The following RERG variants were observed in gnomAD, a reference collection of about 807,000 sequenced individuals.
The protein encoded by RERG is RAS like estrogen regulated growth inhibitor.
RERG carries 25 observed loss-of-function variants against 23.2 expected under a neutral mutation model. The observed-to-expected ratio is 1.08, with a 90% confidence interval of 0.79 to 1.50. The LOEUF is 1.50. Ranked by LOEUF, RERG falls within the 40% of genes most tolerant of loss-of-function variation. The pLI, the probability that RERG is intolerant of heterozygous loss-of-function variation, is 0.00. For synonymous variants in RERG, 81 were observed against 89.1 expected (o/e 0.91, Z 0.51); for missense variants, 253 against 250.1 (o/e 1.01, Z -0.08).
intron 1 of RERG, among the ~76,000 whole-genome samples, chr12:15,220,833 G>A (rs772673645): frequency 1.3e-5 from 2 of 152,030 alleles, no homozygotes; most frequent in Non-Finnish European, 2.9e-5. Context: ...TTATCACTAC[G>A]CAGTACCCAC....
In RERG at chr12:15,109,003, C is replaced by A; in HGVS notation, c.*107G>T. ...GGCCAGAAACAATGGGAAGCCCAGA[C>A]ATTTCTCAGAATCCAAACAAAGAAT... On this transcript the variant is annotated 3_prime_UTR_variant, in exon 5 of 5. Transcript: ENST00000256953. 8.4e-7 allele frequency: 1 copy of A among 1,186,684 alleles called. No individual in the cohort carries two copies. Among genetic ancestry groups the A allele is most frequent in the Middle Eastern group, 2.9e-4 (1 of 3,408 alleles). 73.5% of individuals were successfully genotyped at this position (1,186,684 alleles called of 1,614,324 possible).
chr12:15,206,097 C>A (rs1436234614), intron 2 of RERG, among the ~76,000 whole-genome samples: 2 of 152,094 alleles, frequency 1.3e-5, no homozygotes, highest in Non-Finnish European at 2.9e-5. Context: ...ACTTACCATG[C>A]AATCTAGCTC....
At chr12:15,168,176 GT>G (rs1393518719) in intron 2 of RERG, among the ~76,000 whole-genome samples, 1 of 152,172 alleles carries the variant, frequency 6.6e-6, no homozygotes, top group Non-Finnish European at 1.5e-5. Flanking sequence ...TTTATGTGCT[GT>G]TTTCAAGTTC....
chr12:15,139,996 T>G (rs781557614), intron 2 of RERG, among the ~76,000 whole-genome samples: 9 of 152,186 alleles, frequency 5.9e-5, no homozygotes, highest in Non-Finnish European at 1.2e-4. Flanking sequence ...GTTCACTGCT[T>G]TTATTTCTGT....
chr12:15,214,995 T>C (rs1865420658), intron 2 of RERG, among the ~76,000 whole-genome samples: 1 of 152,230 alleles, frequency 6.6e-6, no homozygotes, highest in South Asian at 2.1e-4. Flanking sequence ...TAATTTAATG[T>C]TGACATAGGA....
chr12:15,117,652 C>T (rs563435775), intron 3 of RERG, among the ~76,000 whole-genome samples: 3 of 148,594 alleles, frequency 2.0e-5, no homozygotes, highest in Non-Finnish European at 3.0e-5. Flanking sequence ...CTCTTCCTCT[C>T]CAAATGCCTC....
chr12:15,131,448 A>C (rs1460134908), intron 2 of RERG, among the ~76,000 whole-genome samples: 1 of 152,148 alleles, frequency 6.6e-6, no homozygotes, highest in Non-Finnish European at 1.5e-5. Context: ...GCATTTTGTT[A>C]AGTTGCCAAG....
chr12:15,139,582 A>G (rs1330196314), intron 2 of RERG, among the ~76,000 whole-genome samples: 1 of 152,176 alleles, frequency 6.6e-6, no homozygotes. Context: ...GTGCTGTTTT[A>G]AATGGTACAG....
rs1591633787 is a variant in RERG, at chr12:15,117,683, A to ATG, written c.118+3379_118+3380insCA. The stretch of plus-strand genomic sequence containing the variant: ...GCCTCCATCACACACGCGCACACAC[A>ATG]CACACACACACACACACACACACAG... On this transcript the variant is annotated intron_variant, in intron 3 of 4. Transcript: ENST00000256953. 1.4e-3 allele frequency among the ~76,000 whole-genome samples: 207 copies of ATG among 149,262 alleles called. 2 individuals are homozygous for ATG. Among genetic ancestry groups the ATG allele is most frequent in the Middle Eastern group, 6.8e-3 (2 of 294 alleles).
At chr12:15,209,343 T>C (rs1343216109) in intron 2 of RERG, among the ~76,000 whole-genome samples, 1 of 152,208 alleles carries the variant, frequency 6.6e-6, no homozygotes, top group African/African-American at 2.4e-5. Context: ...AATCCATCAT[T>C]GGGCAGATGA....
chr12:15,129,084 C>T (rs190179753), intron 2 of RERG, among the ~76,000 whole-genome samples: 11 of 152,270 alleles, frequency 7.2e-5, no homozygotes, highest in African/African-American at 2.6e-4. Flanking sequence ...GAGTGAGTCC[C>T]GGCCTAGAAA....
At chr12:15,183,987 A>C (rs956997788) in intron 2 of RERG, among the ~76,000 whole-genome samples, 2 of 152,208 alleles carry the variant, frequency 1.3e-5, no homozygotes, top group African/African-American at 4.8e-5. Flanking sequence ...AATCTTTCTA[A>C]AAGTAAAACG....
intron 2 of RERG, among the ~76,000 whole-genome samples, chr12:15,159,773 G>A (rs1864577826): frequency 6.6e-6 from 1 of 152,134 alleles, no homozygotes; most frequent in African/African-American, 2.4e-5. Flanking sequence ...GCAGTGAGCC[G>A]AGATTGTGCC....
intron 2 of RERG, among the ~76,000 whole-genome samples, chr12:15,152,423 T>G (rs1864458528): frequency 6.6e-6 from 1 of 152,148 alleles, no homozygotes; most frequent in East Asian, 1.9e-4. Flanking sequence ...CCCCTCTAAT[T>G]TCAAAAGCCT....
chr12:15,110,903 TATGACATC>T, intron 4 of RERG: 1 of 153,138 alleles, frequency 6.5e-6, no homozygotes, highest in African/African-American at 2.4e-5. Context: ...AACAAACTTA[TATGACATC>T]ATGTGAGTTT....
chr12:15,153,526 T>A (rs1282792422), intron 2 of RERG, among the ~76,000 whole-genome samples: 1 of 152,098 alleles, frequency 6.6e-6, no homozygotes, highest in Non-Finnish European at 1.5e-5. Flanking sequence ...TTCAGAAAAA[T>A]ACCATTGAGA....
At chr12:15,126,884 A>AT (rs57711851) in intron 2 of RERG, among the ~76,000 whole-genome samples, 6,060 of 151,696 alleles carry the variant, frequency 0.04, 442 homozygotes, top group African/African-American at 0.14. Flanking sequence ...CACCCGGCTA[A>AT]TTTTTTTGTA....
chr12:15,141,398 T>C lies in RERG; in HGVS notation c.62-20279A>G, dbSNP rs142193823. ...AGCTCACTGATTCCTTCCTCAGCTGTGTCCAAGCTACTGATAAGGCCATGA... is the reference window on the plus strand; with the variant it reads ...AGCTCACTGATTCCTTCCTCAGCTGCGTCCAAGCTACTGATAAGGCCATGA... On this transcript the variant is annotated intron_variant, in intron 2 of 4. Transcript: ENST00000256953. Among the ~76,000 whole-genome samples, 1,404 of 152,282 alleles carry C rather than the reference T, an allele frequency of 9.2e-3. 23 individuals are homozygous for C. The highest frequency in any genetic ancestry group is 0.033 in the African/African-American group (1,362 of 41,558).
At chr12:15,130,561 T>TG (rs957869253) in intron 2 of RERG, among the ~76,000 whole-genome samples, 1 of 151,372 alleles carries the variant, frequency 6.6e-6, no homozygotes, top group Non-Finnish European at 1.5e-5. Flanking sequence ...AAATTGACAT[T>TG]GAAAAAAAAA....
Sources: allele counts gnomAD v4.1 joint callset (sites outside exome capture counted in the v4.1 genomes callset), GRCh38; gene constraint gnomAD v4.1.1; transcripts MANE v1.5; gene names NCBI Gene and HGNC (gene_info 2026-07-23, HGNC 2026-07-21).